The following CHSY3 variants were observed in gnomAD, a reference collection of about 807,000 sequenced individuals.
CHSY3 encodes the protein chondroitin sulfate synthase 3.
A neutral mutation model predicts 67.2 loss-of-function variants in CHSY3; 35 were observed. The observed-to-expected ratio is 0.52, with a 90% CI of 0.40 to 0.69. The LOEUF (loss-of-function observed/expected upper bound fraction) is 0.69. Ranked by LOEUF, CHSY3 falls within the 30% of genes least tolerant of loss-of-function variation. The pLI, the probability that CHSY3 is intolerant of heterozygous loss-of-function variation, is 0.00. For synonymous variants in CHSY3, 474 were observed against 434.7 expected (o/e 1.09, Z -1.12); for missense variants, 1,069 against 1,138.5 (o/e 0.94, Z 0.88).
intron 2 of CHSY3, among the ~76,000 whole-genome samples, chr5:130,034,025 C>T (rs918651915): frequency 6.6e-6 from 1 of 152,074 alleles, no homozygotes; most frequent in Non-Finnish European, 1.5e-5. Context: ...GGAGGATCTG[C>T]GAATAACATC....
intron 2 of CHSY3, among the ~76,000 whole-genome samples, chr5:130,058,790 T>C (rs2149675386): frequency 6.6e-6 from 1 of 152,358 alleles, no homozygotes; most frequent in Admixed American, 6.5e-5. Context: ...AGGCCAGACG[T>C]CTGAAAGCAA....
Position 129,905,546 on chromosome 5 carries a change from C to T in CHSY3, c.717C>T (p.Ser239=), listed in dbSNP as rs148339127. The T allele has an allele frequency of 2.7e-5, 43 of 1,613,644 alleles. No individual in the cohort carries two copies. In the African/African-American group the frequency reaches 5.2e-4, roughly 20 times the overall value. Reference sequence around the variant, plus strand: ...ACTCCTATCCTCCCCAGAAAAAGTCCTTCATGATGATCAAGTACATGCACG... The same window carrying T: ...ACTCCTATCCTCCCCAGAAAAAGTCTTTCATGATGATCAAGTACATGCACG... ...VDDSYPPQKK[S]FMMIKYMHDH... Residue 239 remains serine (S), a synonymous_variant, in exon 1 of 3, where the codon TCC becomes TCT. Coordinates refer to ENST00000305031, the MANE Select transcript of CHSY3 (RefSeq NM_175856.5).
At chr5:129,924,159 T>C (rs1761015545) in intron 2 of CHSY3, among the ~76,000 whole-genome samples, 1 of 152,068 alleles carries the variant, frequency 6.6e-6, no homozygotes, top group Non-Finnish European at 1.5e-5. Context: ...AAAATACATA[T>C]AATGAAAAAT....
At chr5:130,065,455 T>A (rs1765854709) in intron 2 of CHSY3, among the ~76,000 whole-genome samples, 1 of 152,130 alleles carries the variant, frequency 6.6e-6, no homozygotes, top group African/African-American at 2.4e-5. Context: ...GATTTTAGGA[T>A]ACTTCATAGA....
At chr5:129,980,678 T>G (rs1385014999) in intron 2 of CHSY3, among the ~76,000 whole-genome samples, 1 of 152,166 alleles carries the variant, frequency 6.6e-6, no homozygotes, top group Non-Finnish European at 1.5e-5. Context: ...TGTTGTATCT[T>G]AAAAGGTCAT....
intron 2 of CHSY3, among the ~76,000 whole-genome samples, chr5:130,057,941 C>A (rs879727599): frequency 5.9e-5 from 9 of 152,014 alleles, no homozygotes; most frequent in Non-Finnish European, 1.3e-4. Context: ...AGATACAGAG[C>A]ACCTCTGTTC....
At chr5:130,151,151 TTGGAATG>T (rs1424473290) in intron 2 of CHSY3, among the ~76,000 whole-genome samples, 1 of 152,200 alleles carries the variant, frequency 6.6e-6, no homozygotes, top group Non-Finnish European at 1.5e-5. Flanking sequence ...GGTTATACAT[TTGGAATG>T]TGCATGCTGA....
In CHSY3 at chr5:130,185,211, C is replaced by G; in HGVS notation, c.2069C>G (p.Pro690Arg). Residue 690 changes from proline (P) to arginine (R), a missense_variant, in exon 3 of 3, where the codon CCA becomes CGA. By Grantham distance (103) the Pro-to-Arg change is moderately radical (BLOSUM62 -2). Coordinates refer to ENST00000305031, the MANE Select transcript of CHSY3 (RefSeq NM_175856.5). ...CCCAAAGCAGAAATGACCCTGATCCCAATGAAGGGAGAGTTTTCCAGAGGT... is the reference window on the plus strand; with the variant it reads ...CCCAAAGCAGAAATGACCCTGATCCGAATGAAGGGAGAGTTTTCCAGAGGT... ...KYPKAEMTLI[P>R]MKGEFSRGLG... 6.2e-7 allele frequency: 1 copy of G among 1,609,118 alleles called. No homozygotes were observed. The highest frequency in any genetic ancestry group is 8.5e-7 in the Non-Finnish European group (1 of 1,175,502).
chr5:130,055,897 A>T (rs1215451941), intron 2 of CHSY3, among the ~76,000 whole-genome samples: 1 of 152,136 alleles, frequency 6.6e-6, no homozygotes, highest in Non-Finnish European at 1.5e-5. Context: ...CTGGTCACCA[A>T]TACCAAGGGA....
At chr5:130,132,577 CT>C (rs1768518978) in intron 2 of CHSY3, among the ~76,000 whole-genome samples, 1 of 152,242 alleles carries the variant, frequency 6.6e-6, no homozygotes, top group Admixed American at 6.5e-5. Flanking sequence ...AGACCTTCTG[CT>C]TTCTAACAGT....
chr5:130,183,888 A>T (rs1417692228), intron 2 of CHSY3, among the ~76,000 whole-genome samples: 3 of 152,074 alleles, frequency 2.0e-5, no homozygotes, highest in Non-Finnish European at 2.9e-5. Context: ...ATGCTAAAAA[A>T]AGATGATAAA....
intron 2 of CHSY3, among the ~76,000 whole-genome samples, chr5:130,023,925 C>G (rs4621588): frequency 0.52 from 79,114 of 151,580 alleles, 21,312 homozygotes; most frequent in East Asian, 0.67. Flanking sequence ...TCCCCGCCCC[C>G]CCAATAGCTC....
chr5:129,992,482 A>G (rs1299768182), intron 2 of CHSY3, among the ~76,000 whole-genome samples: 1 of 152,198 alleles, frequency 6.6e-6, no homozygotes, highest in African/African-American at 2.4e-5. Context: ...ATACCAGATA[A>G]GACAGAGGAC....
chr5:129,936,430 G>A (rs1761494673), intron 2 of CHSY3, among the ~76,000 whole-genome samples: 1 of 152,104 alleles, frequency 6.6e-6, no homozygotes, highest in Non-Finnish European at 1.5e-5. Flanking sequence ...CCCCTATCTA[G>A]TGTGATGTCA....
At chr5:130,174,095 C>T in intron 2 of CHSY3, among the ~76,000 whole-genome samples, 1 of 152,024 alleles carries the variant, frequency 6.6e-6, no homozygotes, top group Non-Finnish European at 1.5e-5. Context: ...AAGCAAATTA[C>T]TGAACCCATA....
At chr5:129,936,953 G>T (rs1580552526) in intron 2 of CHSY3, among the ~76,000 whole-genome samples, 1 of 152,080 alleles carries the variant, frequency 6.6e-6, no homozygotes, top group South Asian at 2.1e-4. Flanking sequence ...CCTTCAAGGG[G>T]TATCTTAAAG....
intron 2 of CHSY3, among the ~76,000 whole-genome samples, chr5:130,179,346 C>T (rs1343296728): frequency 2.0e-5 from 3 of 152,058 alleles, no homozygotes; most frequent in African/African-American, 7.2e-5. Context: ...TCCAGTCACT[C>T]TAAGCATGTT....
chr5:129,938,352 G>T lies in CHSY3; in HGVS notation c.1086+29992G>T, dbSNP rs558590728. ...TTGAGGCATTTTCCCAATTATCCTGGCTACTAACATTCAGTTCATGTTTAC... is the reference window on the plus strand; with the variant it reads ...TTGAGGCATTTTCCCAATTATCCTGTCTACTAACATTCAGTTCATGTTTAC... On this transcript the variant is annotated intron_variant, in intron 2 of 2. Transcript: ENST00000305031. Among the ~76,000 whole-genome samples, 3 of 152,296 alleles carry T rather than the reference G, an allele frequency of 2.0e-5. No individual in the cohort carries two copies. The South Asian group carries it at 6.2e-4, about 32-fold the overall frequency.
chr5:130,064,110 C>T (rs1003201757), intron 2 of CHSY3, among the ~76,000 whole-genome samples: 1 of 152,080 alleles, frequency 6.6e-6, no homozygotes, highest in Non-Finnish European at 1.5e-5. Context: ...TGCAGATATA[C>T]TAAGGAAGAC....
Sources: allele counts gnomAD v4.1 joint callset (sites outside exome capture counted in the v4.1 genomes callset), GRCh38; gene constraint gnomAD v4.1.1; transcripts MANE v1.5; gene names NCBI Gene and HGNC (gene_info 2026-07-23, HGNC 2026-07-21).